The following RLBP1 variants were observed in gnomAD, a reference collection of about 807,000 sequenced individuals.
RLBP1 encodes the protein retinaldehyde binding protein 1.
In RLBP1, 26 loss-of-function variants were observed where a neutral mutation model predicts 36.2. The observed-to-expected ratio is 0.72, with a 90% CI of 0.53 to 1.00. RLBP1 has a LOEUF of 1.00. Ranked by LOEUF, RLBP1 falls within the 50% of genes least tolerant of loss-of-function variation. The probability of loss-of-function intolerance (pLI) is 0.00; values close to 1 mark genes in which losing one functional copy is unlikely to be tolerated. For missense variants in RLBP1, 410 were observed against 402.4 expected (o/e 1.02, Z -0.16); for synonymous variants, 155 against 156.2 (o/e 0.99, Z 0.06).
At position 89,218,213 on chromosome 15, in the gene RLBP1, TG is replaced by T. The variant is rs2150971721; in HGVS notation, c.141+351del. ...TCACACAGCAAGCTGAAAGTAGGTCTGGTTCTGGAACTCAAGTCTCTTGCCT... is the reference window on the plus strand; with the variant it reads ...TCACACAGCAAGCTGAAAGTAGGTCTGTTCTGGAACTCAAGTCTCTTGCCT... On this transcript the variant is annotated intron_variant, in intron 4 of 8. Coordinates refer to ENST00000268125, the MANE Select transcript of RLBP1 (RefSeq NM_000326.5). The surrounding 1 kb of genome is among the most constrained non-coding windows in gnomAD (Gnocchi z 4.6). Among the ~76,000 whole-genome samples, 1 of 152,372 alleles carries T rather than the reference TG, an allele frequency of 6.6e-6. No individual in the cohort carries two copies. The highest frequency in any genetic ancestry group is 2.4e-5 in the African/African-American group (1 of 41,592).
chr15:89,217,402 G>A, intron 4 of RLBP1, 78 bp from the exon 5 acceptor site: 1 of 1,463,178 alleles, frequency 6.8e-7, no homozygotes, highest in South Asian at 1.1e-5. Context: ...TGAGTCTCCT[G>A]CCAGAGCTAG....
At position 89,213,228 on chromosome 15, in the gene RLBP1, CACCATTTAATTCTATATTGAAAGTACTA is replaced by C. The variant is rs550257420; in HGVS notation, c.526-1355_526-1328del. On this transcript the variant is annotated intron_variant, in intron 6 of 8. Transcript: ENST00000268125. ...TAGATAAAGACTTCACCATCTCTGC[CACCATTTAATTCTATATTGAAAGTACTA>C]ACCAATGCAATCAATTTGTTAAAAA... Among the ~76,000 whole-genome samples, 8 of 151,694 alleles carry C rather than the reference CACCATTTAATTCTATATTGAAAGTACTA, an allele frequency of 5.3e-5. No homozygotes were observed. The South Asian group carries it at 1.7e-3, about 32-fold the overall frequency.
At position 89,210,206 on chromosome 15, in the gene RLBP1, C is replaced by T; in HGVS notation, c.*79G>A. The T allele has an allele frequency of 6.5e-7, 1 of 1,545,424 alleles. No individual in the cohort carries two copies. The highest frequency in any genetic ancestry group is 1.4e-5 in the African/African-American group (1 of 73,772). ...GGGGACCACAGTCATCTCAAGCAGC[C>T]CTTTCCTAGCCTTGGGTCCAGGACA... On this transcript the variant is annotated 3_prime_UTR_variant, in exon 9 of 9. Coordinates refer to ENST00000268125, the MANE Select transcript of RLBP1 (RefSeq NM_000326.5). The surrounding 1 kb of genome is among the most constrained non-coding windows in gnomAD (Gnocchi z 4.7).
In RLBP1 at chr15:89,218,492, A is replaced by C; in HGVS notation, c.141+73T>G. 1.9e-6 allele frequency: 3 copies of C among 1,605,000 alleles called. No individual in the cohort carries two copies. The highest frequency in any genetic ancestry group is 2.6e-6 in the Non-Finnish European group (3 of 1,173,488). On this transcript the variant is annotated intron_variant, in intron 4 of 8. Coordinates refer to ENST00000268125, the MANE Select transcript of RLBP1 (RefSeq NM_000326.5). The surrounding 1 kb of genome is among the most constrained non-coding windows in gnomAD (Gnocchi z 4.6). ...GCCGAGGCTGGACCCTTTTCACAGG[A>C]GAGAGAATGCAGTCATGTTCCCCTC...
chr15:89,210,330 C>A lies in RLBP1; in HGVS notation c.909G>T (p.Glu303Asp). 6.2e-7 allele frequency: 1 copy of A among 1,614,240 alleles called. No homozygotes were observed. The highest frequency in any genetic ancestry group is 8.5e-7 in the Non-Finnish European group (1 of 1,180,050). ...CTTGGGCCTGGGGGCCAAAGAGCTGCTCAGCAACGGCCTTGCCATCATACT... is the reference window on the plus strand; with the variant it reads ...CTTGGGCCTGGGGGCCAAAGAGCTGATCAGCAACGGCCTTGCCATCATACT... Reference protein sequence around the residue: ...LPKYDGKAVAEQLFGPQAQAE... With the variant: ...LPKYDGKAVADQLFGPQAQAE... Residue 303 changes from glutamate (E) to aspartate (D), a missense_variant, in exon 9 of 9, where the codon GAG (glutamate) becomes GAT (aspartate). Transcript: ENST00000268125. The surrounding 1 kb of genome is among the most constrained non-coding windows in gnomAD (Gnocchi z 4.7).
Position 89,217,192 on chromosome 15 carries a change from C to G in RLBP1, c.274G>C (p.Asp92His), listed in dbSNP as rs1567123888. Residue 92 changes from aspartate to histidine, a missense_variant, in exon 5 of 9, where the codon GAC (aspartate) becomes CAC (histidine). Asp to His is a moderately conservative substitution (Grantham distance 81, BLOSUM62 -1). Coordinates refer to ENST00000268125, the MANE Select transcript of RLBP1 (RefSeq NM_000326.5). ...VAVAERVQEK[D>H]SGFFLRFIRA... Reference sequence around the variant, plus strand: ...ATGAAGCGCAGGAAGAAGCCGCTGTCCTTCTCTTGCACCCTCTCCGCCACG... The same window carrying G: ...ATGAAGCGCAGGAAGAAGCCGCTGTGCTTCTCTTGCACCCTCTCCGCCACG... The G allele has an allele frequency of 1.2e-6, 2 of 1,613,974 alleles. No individual in the cohort carries two copies. Among genetic ancestry groups the G allele is most frequent in the South Asian group, 2.2e-5 (2 of 91,086 alleles).
At chr15:89,221,350 C>T (rs1298597894) in intron 1 of RLBP1, among the ~76,000 whole-genome samples, 185 bp downstream of exon 1, 2 of 152,222 alleles carry the variant, frequency 1.3e-5, no homozygotes, top group African/African-American at 4.8e-5. Flanking sequence ...CTGAAATTCA[C>T]ATTTAACTGG....
In RLBP1 at chr15:89,217,359, T is replaced by G. The variant is rs1275951832; in HGVS notation, c.142-35A>C. ...GGTGGGGTGTGCATGAAGTTAAACT[T>G]AGGTGCGGGTGAGGGGCAGGACACA... On this transcript the variant is annotated intron_variant, in intron 4 of 8. Coordinates refer to ENST00000268125, the MANE Select transcript of RLBP1 (RefSeq NM_000326.5). 4.4e-6 allele frequency: 7 copies of G among 1,592,790 alleles called. No homozygotes were observed. The South Asian group carries it at 7.7e-5, about 18-fold the overall frequency.
chr15:89,213,336 A>G (rs1387381229), intron 6 of RLBP1, among the ~76,000 whole-genome samples: 3 of 152,168 alleles, frequency 2.0e-5, no homozygotes, highest in African/African-American at 2.4e-5. Flanking sequence ...TATCTCCTCT[A>G]CTTACAGATA....
In RLBP1 at chr15:89,214,432, G is replaced by T. The variant is rs1279335380; in HGVS notation, c.525+628C>A. Reference sequence around the variant, plus strand: ...GCTAAGATCATGCCACTGCACTCCAGCCTGGGTGACCAGAGCGAGACTCCA... The same window carrying T: ...GCTAAGATCATGCCACTGCACTCCATCCTGGGTGACCAGAGCGAGACTCCA... On this transcript the variant is annotated intron_variant, in intron 6 of 8. Coordinates refer to ENST00000268125, the MANE Select transcript of RLBP1 (RefSeq NM_000326.5). The surrounding 1 kb of genome is among the most constrained non-coding windows in gnomAD (Gnocchi z 4.6). Among the ~76,000 whole-genome samples the T allele has an allele frequency of 5.3e-5, 8 of 152,342 alleles. No homozygotes were observed. Among genetic ancestry groups the T allele is most frequent in the Non-Finnish European group, 7.3e-5 (5 of 68,038 alleles).
rs557342006 is a variant in RLBP1 at position 89,210,654 on chromosome 15, C to T, written c.795+45G>A. 196 of 1,405,286 alleles carry T rather than the reference C, an allele frequency of 1.4e-4. 2 individuals are homozygous for T. The South Asian group carries it at 2.3e-3, about 16-fold the overall frequency. The allele number at this position is 1,405,286 out of a possible 1,614,324, so 87.1% of individuals were successfully genotyped here. A position where few individuals can be genotyped will look rare whatever the true frequency, so the allele number is the denominator to read the frequency against. Reference sequence around the variant, plus strand: ...TGAGGAGGGCTCAGGTGAGGCCCCACCCTCAGCCCTCTTGTCTCATTGTCT... The same window carrying T: ...TGAGGAGGGCTCAGGTGAGGCCCCATCCTCAGCCCTCTTGTCTCATTGTCT... On this transcript the variant is annotated intron_variant, in intron 8 of 8. Transcript: ENST00000268125. The surrounding 1 kb of genome is among the most constrained non-coding windows in gnomAD (Gnocchi z 4.7).
At chr15:89,219,389 C>G (rs887684990) in intron 2 of RLBP1, among the ~76,000 whole-genome samples, 4 of 152,230 alleles carry the variant, frequency 2.6e-5, no homozygotes, top group African/African-American at 9.6e-5. Context: ...GAATCTGGCT[C>G]TGTTCTCAAT....
At chr15:89,220,642 G>A (rs1485400685) in intron 1 of RLBP1, among the ~76,000 whole-genome samples, 1 of 152,172 alleles carries the variant, frequency 6.6e-6, no homozygotes, top group Non-Finnish European at 1.5e-5. Context: ...AGGTATGTGG[G>A]CACAGAGGTA....
Position 89,211,966 on chromosome 15 carries a change from G to A in RLBP1, c.526-65C>T. On this transcript the variant is annotated intron_variant, in intron 6 of 8. Transcript: ENST00000268125. The surrounding 1 kb of genome is among the most constrained non-coding windows in gnomAD (Gnocchi z 5.8). ...AACAATAATTAAGGCTTGAGGTCCT[G>A]AGGGGAGAGCTAATTGGTACATTCT... 1.9e-6 allele frequency: 3 copies of A among 1,549,144 alleles called. No individual in the cohort carries two copies. In the South Asian group the frequency reaches 3.4e-5, roughly 17 times the overall value.
Position 89,210,644 on chromosome 15 carries a change from T to C in RLBP1, c.795+55A>G. On this transcript the variant is annotated intron_variant, in intron 8 of 8. Transcript: ENST00000268125. The surrounding 1 kb of genome is among the most constrained non-coding windows in gnomAD (Gnocchi z 4.7). The stretch of plus-strand genomic sequence containing the variant: ...TGGTAGAGTGTGAGGAGGGCTCAGG[T>C]GAGGCCCCACCCTCAGCCCTCTTGT... The C allele has an allele frequency of 7.4e-7, 1 of 1,355,582 alleles. No homozygotes were observed. Among genetic ancestry groups the C allele is most frequent in the Non-Finnish European group, 1.0e-6 (1 of 965,896 alleles). The allele number at this position is 1,355,582 out of a possible 1,614,324, so 84.0% of individuals were successfully genotyped here.
intron 4 of RLBP1, among the ~76,000 whole-genome samples, 176 bp from the exon 5 acceptor site, chr15:89,217,500 T>C (rs766049814): frequency 6.6e-6 from 1 of 152,224 alleles, no homozygotes; most frequent in African/African-American, 2.4e-5. Flanking sequence ...CCTGAGACTG[T>C]TGTGTGTGGA....
rs1241703830 is a variant in RLBP1, at chr15:89,214,097, G to A, written c.525+963C>T. Among the ~76,000 whole-genome samples, 1 of 152,148 alleles carries A rather than the reference G, an allele frequency of 6.6e-6. No individual in the cohort carries two copies. The highest frequency in any genetic ancestry group is 1.5e-5 in the Non-Finnish European group (1 of 68,024). On this transcript the variant is annotated intron_variant, in intron 6 of 8. Coordinates refer to ENST00000268125, the MANE Select transcript of RLBP1 (RefSeq NM_000326.5). The surrounding 1 kb of genome is among the most constrained non-coding windows in gnomAD (Gnocchi z 4.6). ...GAAAATATAAAACATGATAAAGATG[G>A]CATTTCAAGTCATTGAAAAAAGATG... is the stretch of plus-strand genomic sequence containing the variant.
rs112950918 is a variant in RLBP1 at position 89,210,222 on chromosome 15, GT to G, written c.*62del. ...TCAAGCAGCCCTTTCCTAGCCTTGGGTCCAGGACAGTTGAGGAGAGGCCCAG... is the reference window on the plus strand; with the variant it reads ...TCAAGCAGCCCTTTCCTAGCCTTGGGCCAGGACAGTTGAGGAGAGGCCCAG... On this transcript the variant is annotated 3_prime_UTR_variant, in exon 9 of 9. Transcript: ENST00000268125. This position sits in a 1 kb window ranked among gnomAD's most constrained non-coding sequence, Gnocchi z 4.7. The G allele has an allele frequency of 1.3e-3, 2,055 of 1,593,128 alleles. 18 individuals carry two copies. The African/African-American group carries it at 0.023, about 18-fold the overall frequency.
intron 1 of RLBP1, among the ~76,000 whole-genome samples, chr15:89,220,807 G>A (rs1567125135): frequency 6.6e-6 from 1 of 152,106 alleles, no homozygotes; most frequent in African/African-American, 2.4e-5. Context: ...CAAGATCCTA[G>A]ATTTTAGGAA....
Sources: gnomAD v4.1 joint callset for allele counts (sites outside exome capture counted in the v4.1 genomes callset) on GRCh38, gnomAD v4.1.1 for gene constraint, Gnocchi (gnomAD v3.1) non-coding constraint, MANE v1.5 for transcripts, NCBI Gene and HGNC (gene_info 2026-07-23, HGNC 2026-07-21) for gene names.